The following GABRG1 variants were observed in gnomAD, a reference collection of about 807,000 sequenced individuals.
GABRG1 encodes the protein gamma-aminobutyric acid type A receptor subunit gamma1, also known as gamma-aminobutyric acid receptor subunit gamma-1.
Under a neutral mutation model 49.8 loss-of-function variants are expected in GABRG1, and 49 were observed. That is an observed-to-expected ratio of 0.98 (90% CI 0.78 to 1.25). GABRG1 has a LOEUF of 1.25. Ranked by LOEUF, GABRG1 falls within the 50% of genes most tolerant of loss-of-function variation. The pLI, the probability that GABRG1 is intolerant of heterozygous loss-of-function variation, is 0.00. For synonymous variants in GABRG1, 232 were observed against 185.1 expected, an observed-to-expected ratio of 1.25 and a Z score of -2.06; for missense variants, 552 against 552.3, an observed-to-expected ratio of 1.00 and a Z score of 0.01.
At chr4:46,046,901 C>T (rs755757064) in intron 8 of GABRG1, among the ~76,000 whole-genome samples, 3 of 152,034 alleles carry the variant, frequency 2.0e-5, no homozygotes, top group Non-Finnish European at 4.4e-5. Flanking sequence ...AACTTGCCTG[C>T]GCTAACAAGA....
chr4:46,073,835 A>G (rs1033974876), intron 3 of GABRG1, among the ~76,000 whole-genome samples: 2 of 152,126 alleles, frequency 1.3e-5, no homozygotes, highest in Admixed American at 6.6e-5. Flanking sequence ...TACTGTACTG[A>G]AAGTTCTATG....
In GABRG1 at chr4:46,058,646, T is replaced by A. The variant is rs188859110; in HGVS notation, c.626-24A>T. 7 of 1,584,884 alleles carry A rather than the reference T, an allele frequency of 4.4e-6. No individual in the cohort carries two copies. In the African/African-American group the frequency reaches 6.8e-5, roughly 15 times the overall value. ...ATCTATAGAGAAAAAATACATAGATTAGCAAGATCCAAATTTGATACCATT... is the reference window on the plus strand; with the variant it reads ...ATCTATAGAGAAAAAATACATAGATAAGCAAGATCCAAATTTGATACCATT... On this transcript the variant is annotated intron_variant, in intron 5 of 8. Coordinates refer to ENST00000295452, the MANE Select transcript of GABRG1 (RefSeq NM_173536.4).
rs1479311963 is a variant in GABRG1, at chr4:46,058,352, T to C, written c.781A>G (p.Thr261Ala). The C allele has an allele frequency of 1.2e-6, 2 of 1,611,586 alleles. No homozygotes were observed. Among genetic ancestry groups the C allele is most frequent in the Non-Finnish European group, 1.7e-6 (2 of 1,179,006 alleles). Residue 261 changes from threonine (T) to alanine (A), a missense_variant, in exon 7 of 9, where the codon ACA (threonine) becomes GCA (alanine). Thr to Ala is a moderately conservative substitution (Grantham distance 58). Coordinates refer to ENST00000295452, the MANE Select transcript of GABRG1 (RefSeq NM_173536.4). ...HTISGDYVIM[T>A]IFFDLSRRMG... ...CTTCTGCTCAGGTCAAAAAAAATTG[T>C]CATGATAACATAATCCCCTGTAAGA...
intron 1 of GABRG1, among the ~76,000 whole-genome samples, chr4:46,119,486 T>A (rs1721032707): frequency 6.6e-6 from 1 of 151,584 alleles, no homozygotes; most frequent in African/African-American, 2.4e-5. Context: ...TGTTTTTCCA[T>A]CTGTAAAATT....
intron 1 of GABRG1, among the ~76,000 whole-genome samples, chr4:46,117,997 T>C (rs1720972648): frequency 9.0e-6 from 1 of 111,054 alleles, no homozygotes. Context: ...TCTATATACA[T>C]ATATACATAT....
intron 8 of GABRG1, 81 bp from the exon 9 acceptor site, chr4:46,041,335 T>A: frequency 8.1e-7 from 1 of 1,239,888 alleles, no homozygotes; most frequent in Non-Finnish European, 1.1e-6. Context: ...ACGCAAACTC[T>A]AGGAGACTGA....
At chr4:46,057,968 T>G (rs975840197) in intron 7 of GABRG1, among the ~76,000 whole-genome samples, 1 of 152,150 alleles carries the variant, frequency 6.6e-6, no homozygotes, top group Non-Finnish European at 1.5e-5. Flanking sequence ...GGATCTATGC[T>G]TCCCTTGGTC....
chr4:46,059,063 T>C (rs1342314749), intron 5 of GABRG1, among the ~76,000 whole-genome samples: 3 of 152,190 alleles, frequency 2.0e-5, no homozygotes, highest in Non-Finnish European at 4.4e-5. Context: ...ATTTTTTTCT[T>C]CTTTTTCCTC....
chr4:46,053,161 T>C (rs1211053986), intron 7 of GABRG1, among the ~76,000 whole-genome samples: 2 of 151,874 alleles, frequency 1.3e-5, no homozygotes, highest in Non-Finnish European at 2.9e-5. Context: ...TTTCCAAATA[T>C]ACAAGGCCAT....
rs567626921 is a variant in GABRG1, at chr4:46,115,663, A to G, written c.104+8147T>C. 1.7e-4 allele frequency among the ~76,000 whole-genome samples: 25 copies of G among 150,924 alleles called. No individual in the cohort carries two copies. The East Asian group carries it at 4.5e-3, about 27-fold the overall frequency. On this transcript the variant is annotated intron_variant, in intron 1 of 8. Coordinates refer to ENST00000295452, the MANE Select transcript of GABRG1 (RefSeq NM_173536.4). ...AAAGAAGTAAAATGTGGCTTCATTT[A>G]TAGTCTATTTTATATGGTTTCCTTG...
intron 2 of GABRG1, among the ~76,000 whole-genome samples, chr4:46,092,332 A>G (rs1302710372): frequency 6.6e-6 from 1 of 152,046 alleles, no homozygotes; most frequent in Admixed American, 6.6e-5. Context: ...GCAAAATGAC[A>G]CTGTAGTTTA....
intron 8 of GABRG1, among the ~76,000 whole-genome samples, chr4:46,049,403 G>C (rs1270535788): frequency 6.6e-6 from 1 of 151,770 alleles, no homozygotes; most frequent in East Asian, 1.9e-4. Context: ...TATCATTTAG[G>C]ACTGAAAGAG....
chr4:46,042,121 G>C (rs1016564739), intron 8 of GABRG1, among the ~76,000 whole-genome samples: 1 of 151,852 alleles, frequency 6.6e-6, no homozygotes, highest in African/African-American at 2.4e-5. Context: ...TTATTAAATG[G>C]GATGATGGAT....
Position 46,040,931 on chromosome 4 carries a change from A to G in GABRG1, c.*57T>C. ...TTTAAACTTCAAGTTACTGAAGCAC[A>G]AAAGATTCTACTGAATTTAGTCAGA... On this transcript the variant is annotated 3_prime_UTR_variant, in exon 9 of 9. Coordinates refer to ENST00000295452, the MANE Select transcript of GABRG1 (RefSeq NM_173536.4). 1.3e-6 allele frequency: 2 copies of G among 1,521,562 alleles called. No homozygotes were observed. The highest frequency in any genetic ancestry group is 1.8e-6 in the Non-Finnish European group (2 of 1,124,368). 94.3% of individuals were successfully genotyped at this position (1,521,562 alleles called of 1,614,324 possible). A position where few individuals can be genotyped will look rare whatever the true frequency, so the allele number is the denominator to read the frequency against.
chr4:46,123,914 C>T lies in GABRG1; in HGVS notation c.-1G>A, dbSNP rs146916422. 1 of 1,612,622 alleles carries T rather than the reference C, an allele frequency of 6.2e-7. No homozygotes were observed. The highest frequency in any genetic ancestry group is 2.2e-5 in the East Asian group (1 of 44,792). ...AGAGAAAAGCTTTCAAAGGACCCAT[C>T]GGAATCGCTTTTTTACGTGTGCTGC... On this transcript the variant is annotated 5_prime_UTR_variant, in exon 1 of 9. Transcript: ENST00000295452.
chr4:46,065,394 C>T lies in GABRG1; in HGVS notation c.512G>A (p.Trp171Ter). 6.2e-7 allele frequency: 1 copy of T among 1,612,392 alleles called. No homozygotes were observed. Among genetic ancestry groups the T allele is most frequent in the Non-Finnish European group, 8.5e-7 (1 of 1,178,698 alleles). ...ITTPNRLLRI[W>*]NDGRVLYTLR... is the part of the protein sequence containing the mutation. Reference sequence around the variant, plus strand: ...AGTATACAGAACTCGTCCATCATTCCAAATTCGAAGCAGACGATTAGGAGT... The same window carrying T: ...AGTATACAGAACTCGTCCATCATTCTAAATTCGAAGCAGACGATTAGGAGT... The change falls in exon 4 of 9, where the codon TGG (tryptophan) becomes TAG (stop). Residue 171 changes from tryptophan (W) to a stop codon, truncating the protein, a stop_gained. Transcript: ENST00000295452. LOFTEE classifies it high-confidence loss of function.
At chr4:46,057,247 C>T (rs1338994252) in intron 7 of GABRG1, among the ~76,000 whole-genome samples, 1 of 151,942 alleles carries the variant, frequency 6.6e-6, no homozygotes, top group Admixed American at 6.6e-5. Context: ...AAGTATAGAC[C>T]CATGTGCCTC....
At position 46,087,245 on chromosome 4, in the gene GABRG1, T is replaced by C. The variant is rs186325969; in HGVS notation, c.254-3192A>G. ...AAATTCACTAGTAAAGCAACAAAAA[T>C]GTAATATTATTTCTGAACTGAATCA... On this transcript the variant is annotated intron_variant, in intron 2 of 8. Transcript: ENST00000295452. 1.5e-4 allele frequency among the ~76,000 whole-genome samples: 23 copies of C among 151,746 alleles called. No homozygotes were observed. The East Asian group carries it at 4.5e-3, about 29-fold the overall frequency.
chr4:46,074,318 G>A (rs1254236912), intron 3 of GABRG1, among the ~76,000 whole-genome samples: 1 of 152,132 alleles, frequency 6.6e-6, no homozygotes, highest in African/African-American at 2.4e-5. Context: ...AATAGTCCAC[G>A]TGACTCATGT....
Sources: allele counts gnomAD v4.1 joint callset (sites outside exome capture counted in the v4.1 genomes callset), GRCh38; gene constraint gnomAD v4.1.1; transcripts MANE v1.5; gene names NCBI Gene and HGNC (gene_info 2026-07-23, HGNC 2026-07-21).